The following KSR2 variants were observed in gnomAD, a reference collection of about 807,000 sequenced individuals.
KSR2 encodes kinase suppressor of ras 2.
A neutral mutation model predicts 107.8 loss-of-function variants in KSR2; 25 were observed. The observed-to-expected ratio is 0.23, with a 90% CI of 0.17 to 0.32. The LOEUF (loss-of-function observed/expected upper bound fraction) is 0.32, where lower values mean the gene tolerates loss of function less well. KSR2 is among the 10% of genes least tolerant of loss of function. KSR2 has a pLI of 1.00. For missense variants in KSR2, 887 were observed against 1,268.9 expected (o/e 0.70, Z 4.57); for synonymous variants, 480 against 507.0 (o/e 0.95, Z 0.71).
chr12:117,685,091 A>T (rs921742764), intron 4 of KSR2, among the ~76,000 whole-genome samples: 31 of 152,288 alleles, frequency 2.0e-4, no homozygotes, highest in Admixed American at 1.5e-3. Context: ...CCAGAAGCCC[A>T]TGGCTCCCTC....
At chr12:117,743,697 C>T (rs1358638660) in intron 4 of KSR2, among the ~76,000 whole-genome samples, 4 of 152,206 alleles carry the variant, frequency 2.6e-5, no homozygotes, top group Admixed American at 6.5e-5. Flanking sequence ...TGGCTGGGAT[C>T]TGTTCAGCTT....
chr12:117,906,224 G>A (rs1161287513), intron 1 of KSR2, among the ~76,000 whole-genome samples: 1 of 151,804 alleles, frequency 6.6e-6, no homozygotes, highest in Non-Finnish European at 1.5e-5. Context: ...ATGGTGGTGG[G>A]CACCTGTAAT....
intron 3 of KSR2, among the ~76,000 whole-genome samples, chr12:117,817,532 C>T (rs924170509): frequency 6.6e-6 from 1 of 152,174 alleles, no homozygotes; most frequent in African/African-American, 2.4e-5. Flanking sequence ...TTCCCACAGC[C>T]AGCTCACCCC....
chr12:117,762,807 G>A (rs1394968935), intron 3 of KSR2, among the ~76,000 whole-genome samples: 1 of 151,874 alleles, frequency 6.6e-6, no homozygotes, highest in Non-Finnish European at 1.5e-5. Context: ...GGCAGAGGTT[G>A]CAGTGAGCTG....
intron 14 of KSR2, among the ~76,000 whole-genome samples, chr12:117,503,085 TGAGAGTG>T (rs1873474956): frequency 6.6e-6 from 1 of 151,878 alleles, no homozygotes; most frequent in Non-Finnish European, 1.5e-5. Flanking sequence ...GGAACAGAAA[TGAGAGTG>T]GAGAGGGGAG....
intron 1 of KSR2, among the ~76,000 whole-genome samples, chr12:117,936,618 T>C (rs1895857675): frequency 6.6e-6 from 1 of 151,832 alleles, no homozygotes; most frequent in Admixed American, 6.6e-5. Flanking sequence ...CTTGAACTCC[T>C]GAGAGATGGT....
At position 117,479,635 on chromosome 12, in the gene KSR2, G is replaced by C. The variant is rs149306075; in HGVS notation, c.2451-3040C>G. 2.3e-3 allele frequency among the ~76,000 whole-genome samples: 356 copies of C among 152,290 alleles called. 1 individual carries two copies. Among genetic ancestry groups the C allele is most frequent in the African/African-American group, 8.1e-3 (338 of 41,564 alleles). On this transcript the variant is annotated intron_variant, in intron 16 of 19. Transcript: ENST00000339824. Reference sequence around the variant, plus strand: ...AAAATGGCCCTGGTTGAGAATCACTGTTCTAATTTATACAAAATACGGAAA... The same window carrying C: ...AAAATGGCCCTGGTTGAGAATCACTCTTCTAATTTATACAAAATACGGAAA...
chr12:117,666,893 A>G (rs1205615681), intron 5 of KSR2, among the ~76,000 whole-genome samples: 1 of 152,192 alleles, frequency 6.6e-6, no homozygotes, highest in Admixed American at 6.5e-5. Context: ...ATCACCAAAA[A>G]GTTCCATTTC....
intron 3 of KSR2, among the ~76,000 whole-genome samples, chr12:117,813,565 T>A (rs995110400): frequency 6.6e-6 from 1 of 152,022 alleles, no homozygotes; most frequent in African/African-American, 2.4e-5. Flanking sequence ...ATCAGGGAAA[T>A]ACAAATTAAA....
intron 1 of KSR2, among the ~76,000 whole-genome samples, chr12:117,912,504 T>A (rs545469787): frequency 2.0e-5 from 3 of 152,224 alleles, no homozygotes; most frequent in Non-Finnish European, 4.4e-5. Context: ...TAATTCTGTT[T>A]GTCCACAGGA....
chr12:117,735,537 C>T (rs1468803423), intron 4 of KSR2, among the ~76,000 whole-genome samples: 1 of 152,218 alleles, frequency 6.6e-6, no homozygotes, highest in African/African-American at 2.4e-5. Flanking sequence ...GACCTCATCC[C>T]TGAGACTAAT....
intron 3 of KSR2, among the ~76,000 whole-genome samples, chr12:117,835,447 T>G (rs1403723115): frequency 6.6e-6 from 1 of 152,064 alleles, no homozygotes; most frequent in Non-Finnish European, 1.5e-5. Flanking sequence ...TCAGTTATGG[T>G]TTTCTGTGCT....
chr12:117,834,609 T>C (rs1044665393), intron 3 of KSR2, among the ~76,000 whole-genome samples: 1 of 152,126 alleles, frequency 6.6e-6, no homozygotes, highest in Admixed American at 6.5e-5. Flanking sequence ...AGGGGTTTAT[T>C]CTCCTAGAAA....
intron 16 of KSR2, among the ~76,000 whole-genome samples, chr12:117,480,134 C>T (rs1872075375): frequency 7.3e-6 from 1 of 136,636 alleles, no homozygotes; most frequent in Non-Finnish European, 1.5e-5. Flanking sequence ...AAGTCTTTGG[C>T]ATAGGCCAGC....
chr12:117,711,089 C>G (rs1886755365), intron 4 of KSR2, among the ~76,000 whole-genome samples: 2 of 152,178 alleles, frequency 1.3e-5, no homozygotes, highest in South Asian at 4.1e-4. Context: ...CTTTCCTATC[C>G]CTTATCATAA....
intron 4 of KSR2, among the ~76,000 whole-genome samples, chr12:117,758,456 A>C (rs1238318690): frequency 1.3e-5 from 2 of 151,652 alleles, no homozygotes; most frequent in Non-Finnish European, 2.9e-5. Flanking sequence ...CAAACTGACC[A>C]CTCTGTTCCT....
intron 14 of KSR2, chr12:117,517,808 G>C (rs899079969): frequency 4.4e-6 from 2 of 455,324 alleles, no homozygotes; most frequent in African/African-American, 4.0e-5. Flanking sequence ...CATGTGCTCA[G>C]GCCCCCCAAC....
intron 2 of KSR2, among the ~76,000 whole-genome samples, chr12:117,859,856 C>G (rs1452752992): frequency 1.3e-5 from 2 of 152,180 alleles, no homozygotes; most frequent in Non-Finnish European, 2.9e-5. Flanking sequence ...AATATTAATG[C>G]TCTAAGAAAG....
At chr12:117,902,421 G>T (rs1894713226) in intron 1 of KSR2, among the ~76,000 whole-genome samples, 1 of 151,180 alleles carries the variant, frequency 6.6e-6, no homozygotes, top group Non-Finnish European at 1.5e-5. Context: ...ACTTGAACCT[G>T]GGAGGTGGAG....
Sources: gnomAD v4.1 joint callset for allele counts (sites outside exome capture counted in the v4.1 genomes callset) on GRCh38, gnomAD v4.1.1 for gene constraint, MANE v1.5 for transcripts, NCBI Gene and HGNC (gene_info 2026-07-23, HGNC 2026-07-21) for gene names.